Variants in NPL observed in about 807,000 individuals in gnomAD.
The protein encoded by NPL is N-acetylneuraminate pyruvate lyase, also known as N-acetylneuraminate lyase.
A neutral mutation model predicts 41.1 loss-of-function variants in NPL; 32 were observed. That is an observed-to-expected ratio of 0.78 (90% CI 0.59 to 1.05). NPL has a LOEUF of 1.05. NPL is among the 50% of genes least tolerant of loss of function. The pLI is 0.00. For synonymous variants in NPL, 128 were observed against 134.9 expected (o/e 0.95, Z 0.35); for missense variants, 321 against 378.4 (o/e 0.85, Z 1.26).
intron 7 of NPL, among the ~76,000 whole-genome samples, 185 bp from the exon 8 acceptor site, chr1:182,816,521 GAAAGGAAA>G (rs1667335886): frequency 6.6e-6 from 1 of 152,178 alleles, no homozygotes; most frequent in African/African-American, 2.4e-5. Context: ...GCTTTCTACA[GAAAGGAAA>G]ATAAAACTTG....
At chr1:182,791,210 G>A (rs772097449) in intron 1 of NPL, 4 of 152,138 alleles carry the variant, frequency 2.6e-5, no homozygotes, top group Non-Finnish European at 4.4e-5. Context: ...TTTTTAAAAT[G>A]AGAGGTTTTT....
At chr1:182,808,112 A>G (rs1286867332) in intron 5 of NPL, among the ~76,000 whole-genome samples, 1 of 152,254 alleles carries the variant, frequency 6.6e-6, no homozygotes, top group East Asian at 1.9e-4. Flanking sequence ...ACTCAGGCAC[A>G]TCACCTAACT....
intron 3 of NPL, among the ~76,000 whole-genome samples, chr1:182,796,470 G>T (rs2102528086): frequency 6.6e-6 from 1 of 152,334 alleles, no homozygotes; most frequent in Non-Finnish European, 1.5e-5. Context: ...ACCTGCCATT[G>T]TGGGAGTTCT....
chr1:182,790,197 C>T lies in NPL; in HGVS notation c.-72+392C>T, dbSNP rs187552304. ...TTAAAAATCCCTATTTGTATCTCCT[C>T]TTCTCCGAGTACCTGTCCCTCAAGA... is the stretch of plus-strand genomic sequence containing the variant. On this transcript the variant is annotated intron_variant, in intron 1 of 12. Transcript: ENST00000367553. Among the ~76,000 whole-genome samples, 584 of 152,312 alleles carry T rather than the reference C, an allele frequency of 3.8e-3. 10 individuals are homozygous for T. Among genetic ancestry groups the T allele is most frequent in the African/African-American group, 0.013 (557 of 41,570 alleles).
At chr1:182,812,035 C>A in intron 5 of NPL, 121 bp from the exon 6 acceptor site, 2 of 902,438 alleles carry the variant, frequency 2.2e-6, no homozygotes, top group South Asian at 1.4e-5. Context: ...TGCTATAGAA[C>A]TTAATAAGTG....
chr1:182,818,385 T>C (rs1180142585), intron 8 of NPL, among the ~76,000 whole-genome samples, 156 bp from the exon 9 acceptor site: 1 of 152,222 alleles, frequency 6.6e-6, no homozygotes, highest in African/African-American at 2.4e-5. Flanking sequence ...GACAAGCACA[T>C]AGGAGCTGCT....
At chr1:182,818,913 A>C in intron 10 of NPL, 54 bp downstream of exon 10, 1 of 1,424,770 alleles carries the variant, frequency 7.0e-7, no homozygotes, top group East Asian at 2.3e-5. Context: ...AAAGGCATTC[A>C]TCACCAAAGT....
In NPL at chr1:182,828,937, C is replaced by G; in HGVS notation, c.*29C>G. On this transcript the variant is annotated 3_prime_UTR_variant, in exon 13 of 13. Coordinates refer to ENST00000367553, the MANE Select transcript of NPL (RefSeq NM_030769.3). This position sits in a 1 kb window ranked among gnomAD's most constrained non-coding sequence, Gnocchi z 4.0. ...CTCTCTATCAAATCAGGGTTTGCAC[C>G]TTGAGACATAATCTACCTTAAATAG... The G allele has an allele frequency of 6.2e-7, 1 of 1,613,650 alleles. No homozygotes were observed. Among genetic ancestry groups the G allele is most frequent in the Non-Finnish European group, 8.5e-7 (1 of 1,180,002 alleles).
chr1:182,797,211 C>T (rs758766482), intron 3 of NPL, among the ~76,000 whole-genome samples: 1 of 152,190 alleles, frequency 6.6e-6, no homozygotes, highest in East Asian at 1.9e-4. Context: ...ATCGTCCACA[C>T]TGTAGCTCAG....
At chr1:182,813,087 A>G (rs556885279) in intron 6 of NPL, among the ~76,000 whole-genome samples, 1 of 149,122 alleles carries the variant, frequency 6.7e-6, no homozygotes, top group South Asian at 2.1e-4. Flanking sequence ...CAGGAGGCGG[A>G]GGTTGCAGTG....
chr1:182,820,186 AGCATGTGGC>A (rs1403923834), intron 10 of NPL, among the ~76,000 whole-genome samples: 1 of 152,262 alleles, frequency 6.6e-6, no homozygotes, highest in African/African-American at 2.4e-5. Context: ...TCCAACCAGA[AGCATGTGGC>A]CCAATGCCTA....
intron 3 of NPL, among the ~76,000 whole-genome samples, chr1:182,797,034 C>CAAA (rs59582125): frequency 1.0e-5 from 1 of 96,012 alleles, no homozygotes; most frequent in Non-Finnish European, 2.2e-5. Flanking sequence ...GAATATGTCT[C>CAAA]AAAAAAAAAA....
intron 3 of NPL, among the ~76,000 whole-genome samples, chr1:182,799,864 T>A (rs1666785500): frequency 6.6e-6 from 1 of 152,058 alleles, no homozygotes; most frequent in Non-Finnish European, 1.5e-5. Context: ...AGCATGGAAT[T>A]TGGTTCTGGG....
chr1:182,803,033 A>G (rs1164140781), intron 3 of NPL, among the ~76,000 whole-genome samples: 3 of 152,190 alleles, frequency 2.0e-5, no homozygotes, highest in Non-Finnish European at 2.9e-5. Context: ...GCAAATACAG[A>G]TGGGTTTAAG....
intron 6 of NPL, 58 bp downstream of exon 6, chr1:182,812,271 C>A: frequency 7.2e-7 from 1 of 1,396,576 alleles, no homozygotes; most frequent in Non-Finnish European, 1.0e-6. Context: ...TTTTATGCCG[C>A]AGTTAAAATC....
intron 5 of NPL, among the ~76,000 whole-genome samples, chr1:182,811,330 G>C (rs1667169370): frequency 1.3e-5 from 2 of 152,034 alleles, no homozygotes; most frequent in Admixed American, 1.3e-4. Context: ...CTGGGTTCAA[G>C]CTATTCTCCC....
intron 5 of NPL, chr1:182,806,474 G>A (rs1381304500): frequency 6.5e-7 from 1 of 1,536,262 alleles, no homozygotes; most frequent in South Asian, 1.2e-5. Flanking sequence ...CTGGGAAACT[G>A]CTTCTTACCT....
At position 182,794,882 on chromosome 1, in the gene NPL, A is replaced by G. The variant is rs927214846; in HGVS notation, c.68+443A>G. On this transcript the variant is annotated intron_variant, in intron 3 of 12. Coordinates refer to ENST00000367553, the MANE Select transcript of NPL (RefSeq NM_030769.3). ...CATGATTCCACTTCAGGCTGTTCAT[A>G]GACTTGATAAAAATGTCCTACCCTG... 3.9e-5 allele frequency among the ~76,000 whole-genome samples: 6 copies of G among 152,326 alleles called. No homozygotes were observed. In the South Asian group the frequency reaches 6.2e-4, roughly 16 times the overall value.
Position 182,804,615 on chromosome 1 carries a change from C to T in NPL, c.142+844C>T, listed in dbSNP as rs973414060. On this transcript the variant is annotated intron_variant, in intron 4 of 12. Transcript: ENST00000367553. ...TTTTAAGCCTGACAGCTATACTTAC[C>T]TGCGATTGAGCTGTCCCTTGCTTAG... Among the ~76,000 whole-genome samples the T allele has an allele frequency of 2.6e-5, 4 of 152,274 alleles. No individual in the cohort carries two copies. The South Asian group carries it at 8.3e-4, about 32-fold the overall frequency.
Sources: gnomAD v4.1 joint callset for allele counts (sites outside exome capture counted in the v4.1 genomes callset) on GRCh38, gnomAD v4.1.1 for gene constraint, Gnocchi (gnomAD v3.1) non-coding constraint, MANE v1.5 for transcripts, NCBI Gene and HGNC (gene_info 2026-07-23, HGNC 2026-07-21) for gene names.